Variants in SPANXN4 observed in about 807,000 individuals in gnomAD.
SPANXN4 encodes the protein SPANX family member N4.
A neutral mutation model predicts 6.0 loss-of-function variants in SPANXN4; 5 were observed. The observed-to-expected ratio is 0.83, with a 90% confidence interval of 0.44 to 1.75. The LOEUF (loss-of-function observed/expected upper bound fraction) is 1.75. Among genes scored for constraint, SPANXN4 ranks in the 40% most tolerant of loss-of-function variants. The pLI, the probability that SPANXN4 is intolerant of heterozygous loss-of-function variation, is 0.02. For missense variants in SPANXN4, 157 were observed against 108.6 expected (o/e 1.45, Z -1.98); for synonymous variants, 45 against 38.0 (o/e 1.19, Z -0.68).
chrX:143,033,351 C>T (rs1364300042), intron 1 of SPANXN4, among the ~76,000 whole-genome samples: 1 of 111,540 alleles, frequency 9.0e-6, no homozygotes, highest in African/African-American at 3.3e-5. Flanking sequence ...AGAAGACTTA[C>T]CTGGTAGAAC....
At chrX:143,037,519 T>G (rs1397257076), downstream of SPANXN4, among the ~76,000 whole-genome samples, 1 of 111,707 alleles carries the variant, frequency 9.0e-6, no homozygotes, top group Admixed American at 9.6e-5. Flanking sequence ...TTGAGTTGCC[T>G]TAATGGAGTC....
intron 1 of SPANXN4, among the ~76,000 whole-genome samples, chrX:143,027,267 T>G (rs1285709599): frequency 9.1e-6 from 1 of 109,686 alleles, no homozygotes; most frequent in East Asian, 2.9e-4. Context: ...GGGGGAGGAG[T>G]TGAAGGCTGT....
In SPANXN4 at chrX:143,034,313, G is replaced by T; in HGVS notation, c.283+81G>T. On this transcript the variant is annotated intron_variant, in intron 2 of 2. Transcript: ENST00000370504. ...AATAAAATCAGTTTGAGGAGCTGAT[G>T]ACTGTGTATACCTCTGCCTTTTTTT... 1 of 1,065,551 alleles carries T rather than the reference G, an allele frequency of 9.4e-7. No individual in the cohort carries two copies. Among genetic ancestry groups the T allele is most frequent in the South Asian group, 2.2e-5 (1 of 44,570 alleles). 87.8% of individuals were successfully genotyped at this position (1,065,551 alleles called of 1,213,427 possible).
At chrX:143,029,639 G>T (rs926360467) in intron 1 of SPANXN4, among the ~76,000 whole-genome samples, 2 of 111,337 alleles carry the variant, frequency 1.8e-5, no homozygotes, top group African/African-American at 6.5e-5. Flanking sequence ...GATATTAACA[G>T]GGAGGAGGGT....
downstream of SPANXN4, among the ~76,000 whole-genome samples, chrX:143,035,372 A>G (rs1265984570): frequency 9.0e-6 from 1 of 110,596 alleles, no homozygotes; most frequent in Non-Finnish European, 1.9e-5. Flanking sequence ...TTCAATGTAT[A>G]TATCCATTGT....
chrX:143,037,528 T>G (rs1481261747), downstream of SPANXN4, among the ~76,000 whole-genome samples: 1 of 111,324 alleles, frequency 9.0e-6, no homozygotes, highest in Non-Finnish European at 1.9e-5. Flanking sequence ...CTTAATGGAG[T>G]CAGTACAAGG....
exon 2 of SPANXN4, chrX:143,034,099 A>G (rs1932828997): frequency 8.5e-7 from 1 of 1,179,718 alleles, no homozygotes; most frequent in Non-Finnish European, 1.1e-6. Context: ...AATATCCAAC[A>G]TTAGTGTTTT....
rs748629327 is a variant in SPANXN4 at position 143,034,233 on chromosome X, G to T, written c.283+1G>T. Reference sequence around the variant, plus strand: ...ATATCTGCAGGATCTCCACAGGATGGTGGGCAGAATTAGTCCAAATTGGAC... The same window carrying T: ...ATATCTGCAGGATCTCCACAGGATGTTGGGCAGAATTAGTCCAAATTGGAC... On this transcript the variant is annotated splice_donor_variant, in intron 2 of 2. Transcript: ENST00000370504. LOFTEE classifies it high-confidence loss of function. 7 of 1,169,437 alleles carry T rather than the reference G, an allele frequency of 6.0e-6. No individual in the cohort carries two copies. The highest frequency in any genetic ancestry group is 6.9e-6 in the Non-Finnish European group (6 of 874,355).
At chrX:143,026,934 T>A (rs2124361849) in intron 1 of SPANXN4, among the ~76,000 whole-genome samples, 1 of 111,884 alleles carries the variant, frequency 8.9e-6, no homozygotes, top group Admixed American at 9.5e-5. Context: ...TAGAGCCTGC[T>A]TAGTGTGTGT....
chrX:143,035,075 CAAA>C (rs780134042), downstream of SPANXN4, among the ~76,000 whole-genome samples: 2 of 39,096 alleles, frequency 5.1e-5, no homozygotes, highest in African/African-American at 9.5e-5. Context: ...GACTCTGTCT[CAAA>C]AAAAAAAAAA....
downstream of SPANXN4, among the ~76,000 whole-genome samples, chrX:143,035,968 A>G (rs1932841796): frequency 1.9e-5 from 2 of 104,765 alleles, no homozygotes; most frequent in Admixed American, 2.2e-4. Context: ...ACCTCTGTCT[A>G]TTGGACCCCT....
chrX:143,034,662 T>C, exon 3 of SPANXN4: 1 of 1,157,593 alleles, frequency 8.6e-7, no homozygotes, highest in South Asian at 2.0e-5. Flanking sequence ...CAGAGTGGTG[T>C]GTTTTGTAAC....
At chrX:143,034,206 A>G (rs2124370432) in exon 2 of SPANXN4, 1 of 1,178,416 alleles carries the variant, frequency 8.5e-7, no homozygotes, top group Non-Finnish European at 1.1e-6. Flanking sequence ...GGAGACCTAG[A>G]CATATCTGCA....
intron 1 of SPANXN4, among the ~76,000 whole-genome samples, chrX:143,028,656 G>T (rs924786039): frequency 4.5e-5 from 5 of 110,561 alleles, no homozygotes; most frequent in African/African-American, 1.6e-4. Context: ...GGTGGTGGTA[G>T]GAAAAGCTTT....
At chrX:143,027,414 C>CA (rs1463825081) in intron 1 of SPANXN4, among the ~76,000 whole-genome samples, 1 of 111,200 alleles carries the variant, frequency 9.0e-6, no homozygotes, top group Non-Finnish European at 1.9e-5. Context: ...GAGTTGGATA[C>CA]ATGAAGAGCG....
chrX:143,033,954 C>G lies in SPANXN4; in HGVS notation c.79-74C>G, dbSNP rs187479202. 13 of 970,376 alleles carry G rather than the reference C, an allele frequency of 1.3e-5. No individual in the cohort carries two copies. In the East Asian group the frequency reaches 4.0e-4, roughly 30 times the overall value. 80.0% of individuals were successfully genotyped at this position (970,376 alleles called of 1,213,427 possible). A position where few individuals can be genotyped will look rare whatever the true frequency, so the allele number is the denominator to read the frequency against. On this transcript the variant is annotated intron_variant, in intron 1 of 2. Coordinates refer to ENST00000370504, the Ensembl canonical transcript of SPANXN4. ...CCTGCATTCCTTCTTATAAAGCCCC[C>G]CTTGCTATCTATTCTCTACCCTCTT...
At chrX:143,033,720 G>C (rs1932825173) in intron 1 of SPANXN4, among the ~76,000 whole-genome samples, 1 of 112,043 alleles carries the variant, frequency 8.9e-6, no homozygotes, top group Non-Finnish European at 1.9e-5. Context: ...TGTCCACCTT[G>C]TAGTCAAGTG....
At chrX:143,034,287 C>T (rs1283833477) in intron 2 of SPANXN4, 2 of 1,109,135 alleles carry the variant, frequency 1.8e-6, no homozygotes, top group African/African-American at 1.9e-5. Flanking sequence ...GCGATGATTA[C>T]AATAAAATCA....
chrX:143,036,236 T>G (rs1259379732), downstream of SPANXN4, among the ~76,000 whole-genome samples: 1 of 110,689 alleles, frequency 9.0e-6, no homozygotes, highest in Non-Finnish European at 1.9e-5. Flanking sequence ...TCTGCCAAAA[T>G]CTGTTGTCAC....
Sources: allele counts gnomAD v4.1 joint callset (sites outside exome capture counted in the v4.1 genomes callset), GRCh38; gene constraint gnomAD v4.1.1; transcripts MANE v1.5; gene names NCBI Gene and HGNC (gene_info 2026-07-23, HGNC 2026-07-21).